The following TMED9 variants were observed in gnomAD, a reference collection of about 807,000 sequenced individuals.
TMED9 encodes the protein transmembrane p24 trafficking protein 9.
TMED9 carries 22 observed loss-of-function variants against 30.6 expected under a neutral mutation model. The ratio of observed to expected loss-of-function variants is 0.72; its 90% CI spans 0.51 to 1.03. The LOEUF (loss-of-function observed/expected upper bound fraction) is 1.03. Ranked by LOEUF, TMED9 falls within the 50% of genes least tolerant of loss-of-function variation. The pLI is 0.00. For missense variants in TMED9, 251 were observed against 302.1 expected, an observed-to-expected ratio of 0.83 and a Z score of 1.25; for synonymous variants, 146 against 122.8, an observed-to-expected ratio of 1.19 and a Z score of -1.25.
In TMED9 at chr5:177,593,700, C is replaced by T; in HGVS notation, c.336C>T (p.Ser112=). 1 of 1,614,194 alleles carries T rather than the reference C, an allele frequency of 6.2e-7. No homozygotes were observed. The highest frequency in any genetic ancestry group is 1.7e-5 in the Admixed American group (1 of 60,024). The stretch of plus-strand genomic sequence containing the variant: ...CCGAGGGCAGGTTCACTTTCACTTC[C>T]CATACCCCTGGTGAGCACCAGATCT... ...YGSEGRFTFT[S]HTPGEHQICL... Residue 112 remains serine, a synonymous_variant, in exon 3 of 5, where the codon TCC becomes TCT. Coordinates refer to ENST00000332598, the MANE Select transcript of TMED9 (RefSeq NM_017510.6).
rs1417570877 is a variant in TMED9 at position 177,595,968 on chromosome 5, A to G, written c.*552A>G. 6.5e-6 allele frequency: 1 copy of G among 152,748 alleles called. No individual in the cohort carries two copies. The highest frequency in any genetic ancestry group is 1.5e-5 in the Non-Finnish European group (1 of 68,138). 9.5% of individuals were successfully genotyped at this position (152,748 alleles called of 1,614,324 possible). On this transcript the variant is annotated 3_prime_UTR_variant, in exon 5 of 5. Coordinates refer to ENST00000332598, the MANE Select transcript of TMED9 (RefSeq NM_017510.6). ...CCTGAGCTGCTTCACATGGTTGTCC[A>G]TTCTGGGGCTTAAAGAACTGGGACC... is the stretch of plus-strand genomic sequence containing the variant.
At chr5:177,594,046 A>G (rs1197935871) in intron 3 of TMED9, 93 bp from the exon 4 acceptor site, 1 of 1,532,176 alleles carries the variant, frequency 6.5e-7, no homozygotes, top group East Asian at 2.3e-5. Context: ...CTAAATGAAC[A>G]GATGAAGGAA....
intron 3 of TMED9, 27 bp downstream of exon 3, chr5:177,593,802 G>A: frequency 1.9e-6 from 3 of 1,613,324 alleles, no homozygotes; most frequent in Non-Finnish European, 2.5e-6. Context: ...GAGACTTGCA[G>A]GTTTCAGCCT....
intron 2 of TMED9, 38 bp downstream of exon 2, chr5:177,592,713 A>C: frequency 9.4e-6 from 14 of 1,485,484 alleles, no homozygotes; most frequent in African/African-American, 1.4e-5. Flanking sequence ...CCAGCCTCTC[A>C]GCTAGGCGGG....
chr5:177,592,314 C>T lies in TMED9; in HGVS notation c.100C>T (p.Arg34Cys). ...TLLLVLWLAT[R>C]GSALYFHIGE... The stretch of plus-strand genomic sequence containing the variant: ...CCTGCTGGTGCTGTGGCTGGCGACG[C>T]GCGGAAGCGCGCTCTACTTTCACAT... Residue 34 changes from arginine to cysteine, a missense_variant, in exon 1 of 5, where the codon CGC becomes TGC. By Grantham distance (180) the Arg-to-Cys change is radical. This residue lies in a region of TMED9 where 98 missense variants were observed against 62.5 expected (regional missense o/e 1.57). Transcript: ENST00000332598. 6.2e-7 allele frequency: 1 copy of T among 1,605,934 alleles called. No individual in the cohort carries two copies. The highest frequency in any genetic ancestry group is 1.1e-5 in the South Asian group (1 of 89,764).
intron 1 of TMED9, 59 bp downstream of exon 1, chr5:177,592,457 G>A (rs1300380937): frequency 7.7e-6 from 12 of 1,556,978 alleles, no homozygotes; most frequent in Non-Finnish European, 1.0e-5. Context: ...TGGGGCGGGG[G>A]ATGCGAGACA....
chr5:177,594,108 G>C, intron 3 of TMED9, 31 bp from the exon 4 acceptor site: 1 of 1,612,992 alleles, frequency 6.2e-7, no homozygotes. Flanking sequence ...AGGGCTACCA[G>C]ATTTCCCTTA....
intron 3 of TMED9, 33 bp from the exon 4 acceptor site, chr5:177,594,106 C>G (rs749777604): frequency 1.9e-6 from 3 of 1,612,396 alleles, no homozygotes; most frequent in African/African-American, 2.7e-5. Context: ...GCAGGGCTAC[C>G]AGATTTCCCT....
intron 2 of TMED9, chr5:177,593,383 G>A (rs1371766988): frequency 2.8e-6 from 1 of 354,700 alleles, no homozygotes; most frequent in African/African-American, 2.1e-5. Context: ...AAAGTTGAAA[G>A]GGCATAAGCT....
chr5:177,594,136 C>CA lies in TMED9; in HGVS notation c.412-2dup, dbSNP rs1205186562. ...TTCCCTTATCTCCTTTGTCTGTCCT[C>CA]AGAGAGTTCACCTGGACATCCAGGT... On this transcript the variant is annotated splice_region_variant and splice_polypyrimidine_tract_variant and intron_variant, in intron 3 of 4. Transcript: ENST00000332598. 3 of 1,614,022 alleles carry CA rather than the reference C, an allele frequency of 1.9e-6. No individual in the cohort carries two copies. Among genetic ancestry groups the CA allele is most frequent in the Non-Finnish European group, 2.5e-6 (3 of 1,180,016 alleles).
chr5:177,593,506 G>C (rs1767629638), intron 2 of TMED9, 144 bp from the exon 3 acceptor site: 1 of 1,039,292 alleles, frequency 9.6e-7, no homozygotes, highest in Admixed American at 2.1e-5. Flanking sequence ...GGCAACAGCT[G>C]CTGAGCAGCT....
At chr5:177,593,989 CCA>C in intron 3 of TMED9, 148 bp from the exon 4 acceptor site, 2 of 1,231,850 alleles carry the variant, frequency 1.6e-6, no homozygotes, top group Non-Finnish European at 2.3e-6. Flanking sequence ...GCTTGTGTGC[CCA>C]GAGCCTCATG....
At position 177,593,502 on chromosome 5, in the gene TMED9, A is replaced by G. The variant is rs567018608; in HGVS notation, c.286-148A>G. 2.5e-5 allele frequency: 25 copies of G among 992,136 alleles called. No homozygotes were observed. In the African/African-American group the frequency reaches 4.0e-4, roughly 16 times the overall value. The allele number at this position is 992,136 out of a possible 1,614,324, so 61.5% of individuals were successfully genotyped here. On this transcript the variant is annotated intron_variant, in intron 2 of 4. Transcript: ENST00000332598. ...AGTTCTCACACAAGCATATGGCAAC[A>G]GCTGCTGAGCAGCTTTGAATCTTTC...
In TMED9 at chr5:177,592,261, C is replaced by T; in HGVS notation, c.47C>T (p.Thr16Ile). 2 of 1,611,502 alleles carry T rather than the reference C, an allele frequency of 1.2e-6. No individual in the cohort carries two copies. The highest frequency in any genetic ancestry group is 1.1e-5 in the South Asian group (1 of 90,628). The stretch of plus-strand genomic sequence containing the variant: ...CTGCTCGTCCGGCCCCGGCCCGGAA[C>T]CGGGCTGGGTAGAGTGATGCGGACC... ...GVLLVRPRPG[T>I]GLGRVMRTLL... Residue 16 changes from threonine to isoleucine, a missense_variant, in exon 1 of 5, where the codon ACC (threonine) becomes ATC (isoleucine). By Grantham distance (89) the Thr-to-Ile change is moderately conservative. Around this residue, in one of 2 missense-constraint regions of TMED9, gnomAD observed 98 missense variants for 62.5 expected, o/e 1.57. Coordinates refer to ENST00000332598, the MANE Select transcript of TMED9 (RefSeq NM_017510.6).
rs961709943 is a variant in TMED9 at position 177,596,817 on chromosome 5, C to G, written c.*1401C>G. Among the ~76,000 whole-genome samples, 6 of 152,114 alleles carry G rather than the reference C, an allele frequency of 3.9e-5. No individual in the cohort carries two copies. The highest frequency in any genetic ancestry group is 1.4e-4 in the African/African-American group (6 of 41,414). On this transcript the variant is annotated 3_prime_UTR_variant, in exon 5 of 5. Coordinates refer to ENST00000332598, the MANE Select transcript of TMED9 (RefSeq NM_017510.6). ...AGGTGGTGGGGTAAATGCCTGCCCC[C>G]CTCCCTCTGGCCTCTGGGCCCTTTG...
intron 2 of TMED9, chr5:177,593,298 C>A (rs115229918): frequency 1.1e-3 from 232 of 202,796 alleles, no homozygotes; most frequent in African/African-American, 5.0e-3. Context: ...TGCACTCCAG[C>A]CAGGACGACA....
In TMED9 at chr5:177,593,728, C is replaced by T; in HGVS notation, c.364C>T (p.Leu122Phe). The change falls in exon 3 of 5, where the codon CTT becomes TTT. Residue 122 changes from leucine to phenylalanine, a missense_variant. Coordinates refer to ENST00000332598, the MANE Select transcript of TMED9 (RefSeq NM_017510.6). ...TACCCCTGGTGAGCACCAGATCTGT[C>T]TTCACTCCAATTCCACCAAGTTCTC... ...SHTPGEHQIC[L>F]HSNSTKFSLF... 1 of 1,614,218 alleles carries T rather than the reference C, an allele frequency of 6.2e-7. No individual in the cohort carries two copies. The highest frequency in any genetic ancestry group is 8.5e-7 in the Non-Finnish European group (1 of 1,180,040).
chr5:177,594,460 A>G (rs1296489794), intron 4 of TMED9, among the ~76,000 whole-genome samples, 175 bp downstream of exon 4: 1 of 152,244 alleles, frequency 6.6e-6, no homozygotes, highest in Non-Finnish European at 1.5e-5. Context: ...CAGACTCGTA[A>G]GAGGCTGTCA....
intron 4 of TMED9, among the ~76,000 whole-genome samples, chr5:177,595,004 G>T (rs1767662183): frequency 6.6e-6 from 1 of 152,172 alleles, no homozygotes; most frequent in South Asian, 2.1e-4. Flanking sequence ...TCTGCCTCGT[G>T]GGGTGATACC....
Sources: gnomAD v4.1 joint callset for allele counts (sites outside exome capture counted in the v4.1 genomes callset) on GRCh38, gnomAD v4.1.1 for gene constraint, gnomAD v4.1.1 regional missense constraint, MANE v1.5 for transcripts, NCBI Gene and HGNC (gene_info 2026-07-23, HGNC 2026-07-21) for gene names.